Variants in SLC24A3 observed in about 807,000 individuals in gnomAD.
The protein encoded by SLC24A3 is sodium/potassium/calcium exchanger 3.
Under a neutral mutation model 75.8 loss-of-function variants are expected in SLC24A3, and 28 were observed. That is an observed-to-expected ratio of 0.37 (90% confidence interval 0.27 to 0.51). The LOEUF (loss-of-function observed/expected upper bound fraction) is 0.51, where lower values mean the gene tolerates loss of function less well. Ranked by LOEUF, SLC24A3 falls within the 20% of genes least tolerant of loss-of-function variation. The pLI is 0.94. For synonymous variants in SLC24A3, 372 were observed against 334.1 expected (o/e 1.11, Z -1.24); for missense variants, 663 against 847.8 (o/e 0.78, Z 2.71).
chr20:19,422,283 G>C (rs1395024157), intron 2 of SLC24A3, among the ~76,000 whole-genome samples: 1 of 152,180 alleles, frequency 6.6e-6, no homozygotes, highest in Non-Finnish European at 1.5e-5. Flanking sequence ...ACAGGTGTTG[G>C]GTTTTTTAAA....
At chr20:19,506,053 G>A (rs1988458333) in intron 2 of SLC24A3, among the ~76,000 whole-genome samples, 1 of 152,158 alleles carries the variant, frequency 6.6e-6, no homozygotes, top group South Asian at 2.1e-4. Context: ...ACATAAATGG[G>A]TATTGTTTTC....
At position 19,388,138 on chromosome 20, in the gene SLC24A3, A is replaced by G. The variant is rs188794434; in HGVS notation, c.271+107051A>G. On this transcript the variant is annotated intron_variant, in intron 2 of 16. Coordinates refer to ENST00000328041, the MANE Select transcript of SLC24A3 (RefSeq NM_020689.4). ...TTAGTTATTTTAAAATGTACAATTA[A>G]GTTATTATTGACTGTAGTCACCCTG... Among the ~76,000 whole-genome samples the G allele has an allele frequency of 2.0e-5, 3 of 152,238 alleles. No individual in the cohort carries two copies. In the East Asian group the frequency reaches 5.8e-4, roughly 29 times the overall value.
At chr20:19,636,432 G>A (rs1024420749) in intron 6 of SLC24A3, among the ~76,000 whole-genome samples, 1 of 152,140 alleles carries the variant, frequency 6.6e-6, no homozygotes, top group Non-Finnish European at 1.5e-5. Context: ...GCTCTTTAAG[G>A]CAAAAGAAGG....
chr20:19,286,737 A>G (rs1983827885), intron 2 of SLC24A3, among the ~76,000 whole-genome samples: 1 of 152,238 alleles, frequency 6.6e-6, no homozygotes, highest in Non-Finnish European at 1.5e-5. Context: ...TAAATTTTCT[A>G]TTAGCTACAT....
At chr20:19,362,090 C>A (rs1294114814) in intron 2 of SLC24A3, among the ~76,000 whole-genome samples, 1 of 152,162 alleles carries the variant, frequency 6.6e-6, no homozygotes, top group South Asian at 2.1e-4. Context: ...GGAAATTTTC[C>A]ATTAAAAATA....
chr20:19,399,640 T>C (rs1054814201), intron 2 of SLC24A3, among the ~76,000 whole-genome samples: 1 of 152,212 alleles, frequency 6.6e-6, no homozygotes, highest in Non-Finnish European at 1.5e-5. Context: ...TAAGTTATTA[T>C]AATCGAGGCT....
chr20:19,544,231 A>G (rs1345305517), intron 3 of SLC24A3, among the ~76,000 whole-genome samples: 3 of 152,200 alleles, frequency 2.0e-5, no homozygotes, highest in Admixed American at 1.3e-4. Context: ...CAGGCTCTAA[A>G]AGCAATTCCA....
chr20:19,430,306 A>G (rs1355429020), intron 2 of SLC24A3, among the ~76,000 whole-genome samples: 2 of 152,214 alleles, frequency 1.3e-5, no homozygotes, highest in Non-Finnish European at 2.9e-5. Flanking sequence ...GAGAAGATCA[A>G]TAATCAAAAC....
chr20:19,550,802 A>G (rs2030681426), intron 3 of SLC24A3, among the ~76,000 whole-genome samples: 1 of 152,222 alleles, frequency 6.6e-6, no homozygotes, highest in Non-Finnish European at 1.5e-5. Context: ...AAAGCCAGGC[A>G]GTAATGAAGA....
chr20:19,594,683 A>AGTGG (rs1183050596), intron 6 of SLC24A3, among the ~76,000 whole-genome samples: 9 of 152,102 alleles, frequency 5.9e-5, no homozygotes, highest in African/African-American at 2.2e-4. Flanking sequence ...TAGGTAGGTG[A>AGTGG]GTGGGTGGGT....
intron 2 of SLC24A3, among the ~76,000 whole-genome samples, chr20:19,291,747 TC>T (rs1201432654): frequency 6.6e-6 from 1 of 152,080 alleles, no homozygotes; most frequent in Non-Finnish European, 1.5e-5. Context: ...TCAGCCTGGC[TC>T]CCCAGCCCTG....
At chr20:19,506,463 G>A (rs1235886230) in intron 2 of SLC24A3, among the ~76,000 whole-genome samples, 1 of 152,078 alleles carries the variant, frequency 6.6e-6, no homozygotes, top group Non-Finnish European at 1.5e-5. Context: ...GGGGTAATTT[G>A]TTCTTTCTAG....
At chr20:19,520,763 C>T (rs1452053783) in intron 3 of SLC24A3, among the ~76,000 whole-genome samples, 1 of 152,188 alleles carries the variant, frequency 6.6e-6, no homozygotes, top group Non-Finnish European at 1.5e-5. Flanking sequence ...TTCTTTCTTC[C>T]TCCCCTGGAC....
rs376140089 is a variant in SLC24A3, at chr20:19,303,903, C to A, written c.271+22816C>A. 3.9e-5 allele frequency among the ~76,000 whole-genome samples: 6 copies of A among 152,138 alleles called. No individual in the cohort carries two copies. In the South Asian group the frequency reaches 1.2e-3, roughly 32 times the overall value. On this transcript the variant is annotated intron_variant, in intron 2 of 16. Transcript: ENST00000328041. ...ACTGTGTGGCTGCTGACTATTCACC[C>A]ATGGCTTCTGAGCAATAGACAGGTC...
At chr20:19,486,149 C>G (rs1988124148) in intron 2 of SLC24A3, among the ~76,000 whole-genome samples, 2 of 152,176 alleles carry the variant, frequency 1.3e-5, no homozygotes, top group Admixed American at 1.3e-4. Flanking sequence ...CTTAGCAAGT[C>G]CTTGCTGACC....
chr20:19,293,267 A>T lies in SLC24A3; in HGVS notation c.271+12180A>T, dbSNP rs554062730. ...GGAAGGAGAGTTGTAACGCAGCTGC[A>T]CCTCCCCACTCTCAGCCATTTTTAT... On this transcript the variant is annotated intron_variant, in intron 2 of 16. Transcript: ENST00000328041. Among the ~76,000 whole-genome samples the T allele has an allele frequency of 7.2e-5, 11 of 151,904 alleles. 1 individual carries two copies. The highest frequency in any genetic ancestry group is 7.2e-4 in the Admixed American group (11 of 15,264).
intron 1 of SLC24A3, among the ~76,000 whole-genome samples, chr20:19,229,222 G>A (rs1298844151): frequency 4.6e-5 from 7 of 151,964 alleles, no homozygotes; most frequent in South Asian, 2.1e-4. Flanking sequence ...CAGTACTAAC[G>A]TATATGTTTA....
At chr20:19,426,650 C>A (rs1987011378) in intron 2 of SLC24A3, among the ~76,000 whole-genome samples, 1 of 152,202 alleles carries the variant, frequency 6.6e-6, no homozygotes, top group African/African-American at 2.4e-5. Context: ...AATGAGATTG[C>A]TGCATTGAAG....
chr20:19,513,736 T>TAAAAAAAAAA (rs74180954), intron 2 of SLC24A3, among the ~76,000 whole-genome samples: 2 of 123,302 alleles, frequency 1.6e-5, no homozygotes, highest in African/African-American at 6.5e-5. Flanking sequence ...GCTTTTTTTT[T>TAAAAAAAAAA]AGAAAAAAAA....
Sources: gnomAD v4.1 joint callset for allele counts (sites outside exome capture counted in the v4.1 genomes callset) on GRCh38, gnomAD v4.1.1 for gene constraint, MANE v1.5 for transcripts, NCBI Gene and HGNC (gene_info 2026-07-23, HGNC 2026-07-21) for gene names.